The following KLHL29 variants were observed in gnomAD, a reference collection of about 807,000 sequenced individuals.
The protein encoded by KLHL29 is kelch-like protein 29.
A neutral mutation model predicts 80.4 loss-of-function variants in KLHL29; 21 were observed. That is an observed-to-expected ratio of 0.26 (90% CI 0.19 to 0.38). KLHL29 has a LOEUF of 0.38. Ranked by LOEUF, KLHL29 falls within the 10% of genes least tolerant of loss-of-function variation. The pLI, the probability that KLHL29 is intolerant of heterozygous loss-of-function variation, is 1.00. For synonymous variants in KLHL29, 511 were observed against 526.8 expected, an observed-to-expected ratio of 0.97 and a Z score of 0.41; for missense variants, 867 against 1,223.9, an observed-to-expected ratio of 0.71 and a Z score of 4.35.
intron 3 of KLHL29, among the ~76,000 whole-genome samples, chr2:23,607,415 A>T (rs1304433551): frequency 2.0e-5 from 3 of 152,246 alleles, no homozygotes; most frequent in Non-Finnish European, 2.9e-5. Flanking sequence ...AGCAGAGGGG[A>T]TGCAGAAAAG....
chr2:23,612,673 C>G (rs1258279336), intron 3 of KLHL29, among the ~76,000 whole-genome samples: 2 of 152,076 alleles, frequency 1.3e-5, no homozygotes, highest in Non-Finnish European at 2.9e-5. Flanking sequence ...ACCCGGGAGG[C>G]TGAGGTTGCA....
chr2:23,622,976 A>C (rs1669222833), intron 3 of KLHL29, among the ~76,000 whole-genome samples: 1 of 151,956 alleles, frequency 6.6e-6, no homozygotes, highest in African/African-American at 2.4e-5. Flanking sequence ...CCAGAGTCCT[A>C]CTCCTACCCA....
intron 1 of KLHL29, among the ~76,000 whole-genome samples, chr2:23,472,255 C>T (rs937287957): frequency 6.6e-6 from 1 of 152,082 alleles, no homozygotes; most frequent in African/African-American, 2.4e-5. Flanking sequence ...GAAAGAGTTT[C>T]TGGTTGGGGT....
rs542420040 is a variant in KLHL29, at chr2:23,422,210, G to A, written c.-154+36430G>A. On this transcript the variant is annotated intron_variant, in intron 1 of 13. Coordinates refer to ENST00000486442, the MANE Select transcript of KLHL29 (RefSeq NM_052920.2). The stretch of plus-strand genomic sequence containing the variant: ...TGTCTCTGTGTCTGTATGCCAGTGT[G>A]TCTATGTCTGTGTGTGTAGTGTGTT... Among the ~76,000 whole-genome samples the A allele has an allele frequency of 1.4e-4, 21 of 150,618 alleles. No individual in the cohort carries two copies. The East Asian group carries it at 3.9e-3, about 28-fold the overall frequency.
chr2:23,391,545 C>G (rs968551870), intron 1 of KLHL29, among the ~76,000 whole-genome samples: 1 of 152,140 alleles, frequency 6.6e-6, no homozygotes, highest in African/African-American at 2.4e-5. Flanking sequence ...AAGCAATTAT[C>G]CTGCCTCAGC....
intron 5 of KLHL29, among the ~76,000 whole-genome samples, chr2:23,656,144 G>A (rs943465339): frequency 2.6e-5 from 4 of 152,210 alleles, no homozygotes; most frequent in East Asian, 1.9e-4. Flanking sequence ...AGATTTCTGT[G>A]CAAGAAGGCA....
Position 23,548,917 on chromosome 2 carries a change from G to A in KLHL29, c.-45-13235G>A, listed in dbSNP as rs115940473. On this transcript the variant is annotated intron_variant, in intron 2 of 13. Transcript: ENST00000486442. ...GAGTGGAAGATCTGGATTCTAATTC[G>A]TCTCTGTCCTAAGGCTCTGAGACTC... Among the ~76,000 whole-genome samples, 1,075 of 152,250 alleles carry A rather than the reference G, an allele frequency of 7.1e-3. 10 individuals carry two copies. Among genetic ancestry groups the A allele is most frequent in the South Asian group, 0.04 (191 of 4,818 alleles).
chr2:23,654,793 CAG>C (rs1433865595), intron 5 of KLHL29, among the ~76,000 whole-genome samples: 3 of 151,658 alleles, frequency 2.0e-5, no homozygotes, highest in Non-Finnish European at 4.4e-5. Flanking sequence ...CCCTGAGAGG[CAG>C]AGTCATGGAT....
chr2:23,498,061 A>T (rs1253369593), intron 2 of KLHL29, among the ~76,000 whole-genome samples: 2 of 152,228 alleles, frequency 1.3e-5, no homozygotes, highest in African/African-American at 4.8e-5. Context: ...TAACATATCC[A>T]TCATCTCACC....
intron 1 of KLHL29, among the ~76,000 whole-genome samples, chr2:23,409,936 G>A (rs1335408673): frequency 6.6e-6 from 1 of 152,172 alleles, no homozygotes; most frequent in Non-Finnish European, 1.5e-5. Context: ...GGTGAGCTGG[G>A]GAAGGAGCAG....
At chr2:23,651,035 C>G (rs1281790665) in intron 5 of KLHL29, among the ~76,000 whole-genome samples, 1 of 152,118 alleles carries the variant, frequency 6.6e-6, no homozygotes, top group Non-Finnish European at 1.5e-5. Flanking sequence ...CAAGAGCACA[C>G]TCACTATTCT....
intron 1 of KLHL29, among the ~76,000 whole-genome samples, chr2:23,470,974 TAAAAAG>T (rs1351024166): frequency 6.6e-6 from 1 of 152,206 alleles, no homozygotes; most frequent in Admixed American, 6.5e-5. Flanking sequence ...TCTCTCGTCT[TAAAAAG>T]AATATGAATG....
intron 5 of KLHL29, among the ~76,000 whole-genome samples, chr2:23,646,004 T>A (rs1669918407): frequency 6.6e-6 from 1 of 152,102 alleles, no homozygotes; most frequent in African/African-American, 2.4e-5. Flanking sequence ...AGACAAATCT[T>A]TCTTTCTCTA....
Position 23,479,941 on chromosome 2 carries a change from A to T in KLHL29, c.-46+4274A>T, listed in dbSNP as rs560631756. Among the ~76,000 whole-genome samples, 8 of 152,324 alleles carry T rather than the reference A, an allele frequency of 5.3e-5. No homozygotes were observed. The East Asian group carries it at 1.5e-3, about 29-fold the overall frequency. On this transcript the variant is annotated intron_variant, in intron 2 of 13. Coordinates refer to ENST00000486442, the MANE Select transcript of KLHL29 (RefSeq NM_052920.2). ...GTTCAGAGATTACAGAACCACCGACAGTGTGTCCTCATAAGCAGCGTGGTG... is the reference window on the plus strand; with the variant it reads ...GTTCAGAGATTACAGAACCACCGACTGTGTGTCCTCATAAGCAGCGTGGTG...
chr2:23,405,046 G>A (rs191720159), intron 1 of KLHL29, among the ~76,000 whole-genome samples: 45 of 152,250 alleles, frequency 3.0e-4, no homozygotes, highest in African/African-American at 9.6e-4. Flanking sequence ...GGAAGACTTG[G>A]CATAAAAAAG....
chr2:23,511,810 A>G (rs1482583549), intron 2 of KLHL29, among the ~76,000 whole-genome samples: 1 of 151,144 alleles, frequency 6.6e-6, no homozygotes, highest in Non-Finnish European at 1.5e-5. Flanking sequence ...TTTATCTCTC[A>G]GGAGGGAGGT....
chr2:23,405,413 A>C (rs1413798210), intron 1 of KLHL29, among the ~76,000 whole-genome samples: 1 of 152,260 alleles, frequency 6.6e-6, no homozygotes, highest in Non-Finnish European at 1.5e-5. Flanking sequence ...ATGTTTTAAC[A>C]CCAAAAAGTA....
intron 3 of KLHL29, among the ~76,000 whole-genome samples, chr2:23,608,750 G>A (rs751754117): frequency 4.6e-5 from 7 of 152,148 alleles, no homozygotes; most frequent in Admixed American, 1.3e-4. Context: ...ATCCATTCTC[G>A]CACAGAGCAC....
At chr2:23,482,984 C>T (rs983538357) in intron 2 of KLHL29, among the ~76,000 whole-genome samples, 3 of 152,114 alleles carry the variant, frequency 2.0e-5, no homozygotes, top group African/African-American at 2.4e-5. Context: ...CCAGTACATA[C>T]GAATTCTTAC....
Sources: allele counts gnomAD v4.1 joint callset (sites outside exome capture counted in the v4.1 genomes callset), GRCh38; gene constraint gnomAD v4.1.1; transcripts MANE v1.5; gene names NCBI Gene and HGNC (gene_info 2026-07-23, HGNC 2026-07-21).